Variants in RXFP2 observed in about 807,000 individuals in gnomAD.
RXFP2 encodes relaxin receptor 2.
Under a neutral mutation model 88.6 loss-of-function variants are expected in RXFP2, and 68 were observed. The observed-to-expected ratio is 0.77, with a 90% CI of 0.63 to 0.94. The LOEUF (loss-of-function observed/expected upper bound fraction) is 0.94. RXFP2 is among the 40% of genes least tolerant of loss of function. The pLI, the probability that RXFP2 is intolerant of heterozygous loss-of-function variation, is 0.00. For missense variants in RXFP2, 791 were observed against 893.9 expected (o/e 0.88, Z 1.47); for synonymous variants, 329 against 306.8 (o/e 1.07, Z -0.76).
Position 31,778,626 on chromosome 13 carries a change from A to G in RXFP2, c.785+43A>G, listed in dbSNP as rs376314238. 8.3e-6 allele frequency: 11 copies of G among 1,320,426 alleles called. No individual in the cohort carries two copies. The East Asian group carries it at 1.6e-4, about 19-fold the overall frequency. The allele number at this position is 1,320,426 out of a possible 1,614,324, so 81.8% of individuals were successfully genotyped here. On this transcript the variant is annotated intron_variant, in intron 9 of 17. Transcript: ENST00000298386. The stretch of plus-strand genomic sequence containing the variant: ...AATTAATTTGTTATTTGCCCTGATT[A>G]AGGAAACTAGCCATAAAGTTAATTC...
intron 7 of RXFP2, 145 bp from the exon 8 acceptor site, chr13:31,777,231 C>T: frequency 1.5e-6 from 1 of 646,480 alleles, no homozygotes; most frequent in East Asian, 2.7e-5. Context: ...GCTCCAACCA[C>T]AGACGGAAGG....
chr13:31,765,986 T>C lies in RXFP2; in HGVS notation c.456T>C (p.Leu152=), dbSNP rs764658893. 3 of 1,549,854 alleles carry C rather than the reference T, an allele frequency of 1.9e-6. No individual in the cohort carries two copies. The highest frequency in any genetic ancestry group is 2.7e-6 in the Non-Finnish European group (3 of 1,123,332). ...TTAAGAAAAACAAAATCCACAGTCT[T>C]CCAGATAAAGTTTTCATCAAATACA... ...LSLKKNKIHS[L]PDKVFIKYTK... Residue 152 remains leucine, a synonymous_variant, in exon 5 of 18, where the codon CTT becomes CTC. Transcript: ENST00000298386.
intron 13 of RXFP2, 52 bp downstream of exon 13, chr13:31,786,689 G>C (rs1443360948): frequency 8.8e-7 from 1 of 1,135,440 alleles, no homozygotes; most frequent in Admixed American, 1.8e-5. Flanking sequence ...GATGTACTTA[G>C]AGACACATTT....
chr13:31,777,552 T>G (rs1027458937), intron 8 of RXFP2, 105 bp downstream of exon 8: 2 of 817,856 alleles, frequency 2.4e-6, no homozygotes, highest in African/African-American at 1.7e-5. Context: ...ACAAAAATTT[T>G]TATTAGTCAA....
intron 6 of RXFP2, 70 bp from the exon 7 acceptor site, chr13:31,775,248 A>G (rs1378859294): frequency 8.5e-6 from 10 of 1,174,266 alleles, no homozygotes; most frequent in East Asian, 2.3e-5. Context: ...TCAGTGGCTC[A>G]TATTCTAATT....
rs968159025 is a variant in RXFP2, at chr13:31,774,834, T to C, written c.569+143T>C. The stretch of plus-strand genomic sequence containing the variant: ...AAAGTACTTAGATTAGTTATTACAC[T>C]GAAAGAATTATTAAACGATTCCTAC... On this transcript the variant is annotated intron_variant, in intron 6 of 17. Transcript: ENST00000298386. 6.6e-5 allele frequency: 44 copies of C among 668,990 alleles called. No individual in the cohort carries two copies. The African/African-American group carries it at 7.7e-4, about 12-fold the overall frequency. 41.4% of individuals were successfully genotyped at this position (668,990 alleles called of 1,614,324 possible). A position where few individuals can be genotyped will look rare whatever the true frequency, so the allele number is the denominator to read the frequency against.
rs1872633668 is a variant in RXFP2, at chr13:31,768,601, C to A, written c.497+2574C>A. Among the ~76,000 whole-genome samples, 3 of 150,562 alleles carry A rather than the reference C, an allele frequency of 2.0e-5. No homozygotes were observed. The South Asian group carries it at 6.2e-4, about 31-fold the overall frequency. On this transcript the variant is annotated intron_variant, in intron 5 of 17. Coordinates refer to ENST00000298386, the MANE Select transcript of RXFP2 (RefSeq NM_130806.5). ...CTTCTGACCATGCTCCTTTGGAAGC[C>A]CACCCACATAGTCCAGGCTCAGAAT...
intron 15 of RXFP2, among the ~76,000 whole-genome samples, 180 bp from the exon 16 acceptor site, chr13:31,792,498 T>C (rs1458287260): frequency 1.3e-5 from 2 of 152,176 alleles, no homozygotes; most frequent in African/African-American, 2.4e-5. Flanking sequence ...TTTAGAAATA[T>C]TACAGATTTT....
intron 5 of RXFP2, among the ~76,000 whole-genome samples, chr13:31,771,046 C>T (rs964697223): frequency 1.3e-5 from 2 of 152,130 alleles, no homozygotes; most frequent in Admixed American, 6.5e-5. Flanking sequence ...AAGGCATCCC[C>T]ACAGGAGATG....
chr13:31,768,090 C>T (rs1279273656), intron 5 of RXFP2, among the ~76,000 whole-genome samples: 1 of 152,150 alleles, frequency 6.6e-6, no homozygotes, highest in Non-Finnish European at 1.5e-5. Context: ...CCACAATTTT[C>T]CTAGTGAAAA....
At chr13:31,792,496 T>C (rs1297415552) in intron 15 of RXFP2, among the ~76,000 whole-genome samples, 182 bp from the exon 16 acceptor site, 1 of 152,204 alleles carries the variant, frequency 6.6e-6, no homozygotes, top group East Asian at 1.9e-4. Flanking sequence ...ACTTTAGAAA[T>C]ATTACAGATT....
At chr13:31,763,081 CTTTT>C (rs71099991) in intron 3 of RXFP2, among the ~76,000 whole-genome samples, 19,799 of 112,910 alleles carry the variant, frequency 0.18, 1,341 homozygotes, top group East Asian at 0.23. Context: ...TGTCTGGAGA[CTTTT>C]TTTTTTTTTT....
At position 31,765,949 on chromosome 13, in the gene RXFP2, A is replaced by G. The variant is rs1454486994; in HGVS notation, c.426-7A>G. The G allele has an allele frequency of 1.1e-5, 15 of 1,417,572 alleles. No homozygotes were observed. Among genetic ancestry groups the G allele is most frequent in the Admixed American group, 1.7e-5 (1 of 57,592 alleles). The allele number at this position is 1,417,572 out of a possible 1,614,324, so 87.8% of individuals were successfully genotyped here. A position where few individuals can be genotyped will look rare whatever the true frequency, so the allele number is the denominator to read the frequency against. On this transcript the variant is annotated splice_polypyrimidine_tract_variant and splice_region_variant and intron_variant, in intron 4 of 17. Transcript: ENST00000298386. ...CATAATGAAGTTTGCTTTACATGTTATTTTAGGTCTCTTAAGAAAAACAAA... is the reference window on the plus strand; with the variant it reads ...CATAATGAAGTTTGCTTTACATGTTGTTTTAGGTCTCTTAAGAAAAACAAA...
At chr13:31,789,338 C>G (rs1490798304) in intron 14 of RXFP2, 145 bp downstream of exon 14, 4 of 678,084 alleles carry the variant, frequency 5.9e-6, no homozygotes, top group African/African-American at 1.8e-5. Flanking sequence ...CACCTTTGGT[C>G]CCTGTTCAAA....
intron 1 of RXFP2, among the ~76,000 whole-genome samples, chr13:31,747,484 G>T (rs529869479): frequency 1.2e-3 from 186 of 152,278 alleles, no homozygotes; most frequent in African/African-American, 4.3e-3. Context: ...GCCCAAGTTT[G>T]GCCTAAGCTT....
At chr13:31,799,338 A>AGTAGCTGGG (rs1404632776) in intron 17 of RXFP2, among the ~76,000 whole-genome samples, 1 of 152,012 alleles carries the variant, frequency 6.6e-6, no homozygotes, top group Admixed American at 6.6e-5. Context: ...CAGCCTCCCG[A>AGTAGCTGGG]GTAGCTGGGA....
At chr13:31,797,157 T>C (rs776137377) in intron 16 of RXFP2, 44 bp from the exon 17 acceptor site, 1 of 1,349,234 alleles carries the variant, frequency 7.4e-7, no homozygotes, top group Non-Finnish European at 1.1e-6. Flanking sequence ...ATTTTACTGT[T>C]GACTTTTACG....
intron 16 of RXFP2, among the ~76,000 whole-genome samples, chr13:31,794,335 T>C (rs1322422398): frequency 6.6e-6 from 1 of 150,760 alleles, no homozygotes; most frequent in East Asian, 1.9e-4. Context: ...CTAACATAGG[T>C]GCACTTAATA....
At position 31,802,141 on chromosome 13, in the gene RXFP2, T is replaced by C. The variant is rs776906280; in HGVS notation, c.2006-5T>C. On this transcript the variant is annotated splice_polypyrimidine_tract_variant and splice_region_variant and intron_variant, in intron 17 of 17. Coordinates refer to ENST00000298386, the MANE Select transcript of RXFP2 (RefSeq NM_130806.5). ...TTTTTTTTCACACTTTGCTTCCTTT[T>C]CCAGACACAATGACTTCCTGGATAG... is the stretch of plus-strand genomic sequence containing the variant. 1 of 1,614,030 alleles carries C rather than the reference T, an allele frequency of 6.2e-7. No individual in the cohort carries two copies. The highest frequency in any genetic ancestry group is 2.2e-5 in the East Asian group (1 of 44,858).
Sources: allele counts gnomAD v4.1 joint callset (sites outside exome capture counted in the v4.1 genomes callset), GRCh38; gene constraint gnomAD v4.1.1; transcripts MANE v1.5; gene names NCBI Gene and HGNC (gene_info 2026-07-23, HGNC 2026-07-21).